PARPBP: variants seen among roughly 807,000 people sequenced by gnomAD.
The protein encoded by PARPBP is PCNA-interacting partner.
In PARPBP, 52 loss-of-function variants were observed where a neutral mutation model predicts 50.0. The observed-to-expected ratio is 1.04, with a 90% CI of 0.83 to 1.31. The LOEUF (loss-of-function observed/expected upper bound fraction) is 1.31. Among genes scored for constraint, PARPBP ranks in the 50% most tolerant of loss-of-function variants. The pLI is 0.00. For synonymous variants in PARPBP, 244 were observed against 232.1 expected, an observed-to-expected ratio of 1.05 and a Z score of -0.47; for missense variants, 697 against 672.0, an observed-to-expected ratio of 1.04 and a Z score of -0.41.
intron 6 of PARPBP, among the ~76,000 whole-genome samples, chr12:102,167,326 A>G (rs1353950965): frequency 6.6e-6 from 1 of 152,064 alleles, no homozygotes; most frequent in East Asian, 1.9e-4. Flanking sequence ...CTCTAAGATT[A>G]TTTATTATAT....
chr12:102,154,088 T>G, intron 4 of PARPBP, 112 bp downstream of exon 4: 3 of 627,014 alleles, frequency 4.8e-6, no homozygotes, highest in Non-Finnish European at 8.5e-6. Context: ...TAACAAATCT[T>G]TAGTATGTTT....
intron 7 of PARPBP, 67 bp downstream of exon 7, chr12:102,175,733 ATGGTT>A: frequency 1.0e-6 from 1 of 980,400 alleles, no homozygotes; most frequent in Non-Finnish European, 1.5e-6. Context: ...TATTGTAGAA[ATGGTT>A]TATTATTGCT....
chr12:102,166,677 A>G (rs896605538), intron 6 of PARPBP, among the ~76,000 whole-genome samples: 4 of 152,132 alleles, frequency 2.6e-5, no homozygotes, highest in Non-Finnish European at 4.4e-5. Context: ...AGGTTATATT[A>G]AGTAGCAGAG....
chr12:102,178,574 A>G lies in PARPBP; in HGVS notation c.1006-18A>G. 1 of 1,539,036 alleles carries G rather than the reference A, an allele frequency of 6.5e-7. No individual in the cohort carries two copies. The highest frequency in any genetic ancestry group is 8.8e-7 in the Non-Finnish European group (1 of 1,137,164). On this transcript the variant is annotated intron_variant, in intron 7 of 10. Transcript: ENST00000327680. ...TGGGGTGATTATTACATTTACCTAA[A>G]ATTATTTTTTGTCTCAGCCAAAATC...
At chr12:102,120,881 T>C (rs1052607837) in intron 1 of PARPBP, among the ~76,000 whole-genome samples, 2 of 152,202 alleles carry the variant, frequency 1.3e-5, no homozygotes, top group Admixed American at 1.3e-4. Flanking sequence ...GGAAGTGATA[T>C]CTGACTCGGA....
At chr12:102,123,662 C>G (rs1399600704) in intron 1 of PARPBP, among the ~76,000 whole-genome samples, 1 of 151,950 alleles carries the variant, frequency 6.6e-6, no homozygotes, top group Non-Finnish European at 1.5e-5. Flanking sequence ...ACATTTTGTT[C>G]TTTCAGAAGG....
At chr12:102,134,443 G>C (rs1034049104) in intron 2 of PARPBP, among the ~76,000 whole-genome samples, 1 of 152,024 alleles carries the variant, frequency 6.6e-6, no homozygotes, top group African/African-American at 2.4e-5. Context: ...AAGAAATAAG[G>C]ACATTGAATC....
At chr12:102,161,757 T>A (rs1374998414) in intron 4 of PARPBP, among the ~76,000 whole-genome samples, 1 of 152,014 alleles carries the variant, frequency 6.6e-6, no homozygotes. Flanking sequence ...ATTGTATCCT[T>A]AAAAAAATAT....
intron 2 of PARPBP, among the ~76,000 whole-genome samples, chr12:102,124,946 A>C (rs1474298691): frequency 6.6e-6 from 1 of 152,248 alleles, no homozygotes; most frequent in African/African-American, 2.4e-5. Context: ...ATATACTATG[A>C]TCATCATTTT....
At chr12:102,162,845 G>T (rs1035839963) in intron 4 of PARPBP, among the ~76,000 whole-genome samples, 1 of 151,592 alleles carries the variant, frequency 6.6e-6, no homozygotes, top group Non-Finnish European at 1.5e-5. Flanking sequence ...AAAGGAATTT[G>T]ATTTTGATGA....
chr12:102,152,041 G>T, intron 3 of PARPBP: 5 of 457,244 alleles, frequency 1.1e-5, no homozygotes, highest in South Asian at 3.0e-5. Context: ...TTATCAAAAA[G>T]TTTTCTTTTT....
At chr12:102,181,967 T>C (rs1452902277) in intron 8 of PARPBP, among the ~76,000 whole-genome samples, 1 of 152,120 alleles carries the variant, frequency 6.6e-6, no homozygotes, top group Non-Finnish European at 1.5e-5. Context: ...GCACTAATCC[T>C]GTTCATGAAG....
At chr12:102,155,601 G>GT (rs1555216794) in intron 4 of PARPBP, among the ~76,000 whole-genome samples, 4 of 123,560 alleles carry the variant, frequency 3.2e-5, no homozygotes, top group African/African-American at 8.7e-5. Flanking sequence ...TGGTGGGGGG[G>GT]GGGGGCGGGG....
chr12:102,152,632 TAAAAA>T (rs1886355056), intron 3 of PARPBP, among the ~76,000 whole-genome samples: 1 of 152,174 alleles, frequency 6.6e-6, no homozygotes, highest in Non-Finnish European at 1.5e-5. Context: ...AATTATCAGA[TAAAAA>T]TAAGAGAAGG....
intron 5 of PARPBP, among the ~76,000 whole-genome samples, chr12:102,164,973 A>G (rs1181103252): frequency 1.3e-5 from 2 of 152,212 alleles, no homozygotes; most frequent in African/African-American, 4.8e-5. Context: ...ATGATTGTAT[A>G]TAAGAGCTCT....
At chr12:102,147,345 A>G (rs1885514350) in intron 2 of PARPBP, among the ~76,000 whole-genome samples, 1 of 152,176 alleles carries the variant, frequency 6.6e-6, no homozygotes, top group Non-Finnish European at 1.5e-5. Flanking sequence ...GACTGGATTA[A>G]GAAAATGTGG....
intron 9 of PARPBP, among the ~76,000 whole-genome samples, chr12:102,193,756 A>G (rs17032311): frequency 0.042 from 6,352 of 152,108 alleles, 401 homozygotes; most frequent in East Asian, 0.29. Context: ...GTCCAGAAAG[A>G]GCTACTTAAA....
chr12:102,195,365 C>A lies in PARPBP; in HGVS notation c.1317C>A (p.Tyr439Ter). Reference sequence around the variant, plus strand: ...TTGCTTGTACTTATAAAGATGACTACATGATAAGCAAGGATAATTGGAATA... The same window carrying A: ...TTGCTTGTACTTATAAAGATGACTAAATGATAAGCAAGGATAATTGGAATA... The part of the protein sequence containing the change: ...SQFACTYKDD[Y>*]MISKDNWNNV... The change falls in exon 10 of 11, where the codon TAC becomes TAA. Residue 439 changes from tyrosine to a stop codon, truncating the protein, a stop_gained. Coordinates refer to ENST00000327680, the MANE Select transcript of PARPBP (RefSeq NM_017915.5). LOFTEE classifies it high-confidence loss of function. The A allele has an allele frequency of 6.3e-7, 1 of 1,587,970 alleles. No individual in the cohort carries two copies. Among genetic ancestry groups the A allele is most frequent in the Non-Finnish European group, 8.6e-7 (1 of 1,159,778 alleles).
At chr12:102,162,382 G>A (rs1399627910) in intron 4 of PARPBP, among the ~76,000 whole-genome samples, 1 of 152,172 alleles carries the variant, frequency 6.6e-6, no homozygotes, top group South Asian at 2.1e-4. Flanking sequence ...TAGAATTCGT[G>A]AGTCTGTTAT....
Sources: gnomAD v4.1 joint callset for allele counts (sites outside exome capture counted in the v4.1 genomes callset) on GRCh38, gnomAD v4.1.1 for gene constraint, MANE v1.5 for transcripts, NCBI Gene and HGNC (gene_info 2026-07-23, HGNC 2026-07-21) for gene names.